Variants in NR4A2 observed in about 807,000 individuals in gnomAD.
NR4A2 encodes nuclear receptor subfamily 4 group A member 2.
A neutral mutation model predicts 50.5 loss-of-function variants in NR4A2; 1 was observed. The ratio of observed to expected loss-of-function variants is 0.02; its 90% CI spans 0.01 to 0.09. NR4A2 has a LOEUF of 0.09. Ranked by LOEUF, NR4A2 falls within the 10% of genes least tolerant of loss-of-function variation. The pLI, the probability that NR4A2 is intolerant of heterozygous loss-of-function variation, is 1.00. For synonymous variants in NR4A2, 328 were observed against 309.4 expected (o/e 1.06, Z -0.63); for missense variants, 613 against 777.3 (o/e 0.79, Z 2.51).
Position 156,325,981 on chromosome 2 carries a change from T to C in NR4A2, c.1560A>G (p.Glu520=). The change falls in exon 8 of 8, where the codon GAA becomes GAG. Residue 520 remains glutamate (E), a synonymous_variant. Coordinates refer to ENST00000339562, the MANE Select transcript of NR4A2 (RefSeq NM_006186.4). The part of the protein sequence containing the change: ...AMVTERHGLK[E]PKRVEELQNK... ...TTTGCAGTTCTTCCACTCTCTTGGG[T>C]TCCTTGAGCCCGTGTCTCTCTGCAG... The C allele has an allele frequency of 6.2e-7, 1 of 1,614,192 alleles. No individual in the cohort carries two copies.
Position 156,325,618 on chromosome 2 carries a change from G to T in NR4A2, c.*126C>A, listed in dbSNP as rs563595764. 5 of 1,195,484 alleles carry T rather than the reference G, an allele frequency of 4.2e-6. No homozygotes were observed. Among genetic ancestry groups the T allele is most frequent in the African/African-American group, 3.0e-5 (2 of 66,710 alleles). 74.1% of individuals were successfully genotyped at this position (1,195,484 alleles called of 1,614,324 possible). A position where few individuals can be genotyped will look rare whatever the true frequency, so the allele number is the denominator to read the frequency against. On this transcript the variant is annotated 3_prime_UTR_variant, in exon 8 of 8. Transcript: ENST00000339562. The stretch of plus-strand genomic sequence containing the variant: ...CTTTAGGGATCAAGGGGGCTAGGAG[G>T]GTTACAGAAATGGGGGGCAGCTTGA...
chr2:156,332,425 C>T, intron 1 of NR4A2, 55 bp downstream of exon 1: 1 of 1,264,236 alleles, frequency 7.9e-7, no homozygotes, highest in Non-Finnish European at 1.0e-6. Flanking sequence ...AAGAGACGTG[C>T]AAAAGAAGGA....
chr2:156,329,315 T>C lies in NR4A2; in HGVS notation c.864+8A>G. The C allele has an allele frequency of 2.5e-6, 4 of 1,610,180 alleles. No individual in the cohort carries two copies. The highest frequency in any genetic ancestry group is 3.4e-6 in the Non-Finnish European group (4 of 1,178,438). On this transcript the variant is annotated splice_region_variant and intron_variant, in intron 3 of 7. Transcript: ENST00000339562. This position sits in a 1 kb window ranked among gnomAD's most constrained non-coding sequence, Gnocchi z 7.5. Reference sequence around the variant, plus strand: ...CTACCTGCCTACTCCGCTCCCGCCATTGCTCACCTTAAAGAAGCCTTTGCA... The same window carrying C: ...CTACCTGCCTACTCCGCTCCCGCCACTGCTCACCTTAAAGAAGCCTTTGCA...
In NR4A2 at chr2:156,328,513, T is replaced by A. The variant is rs575964818; in HGVS notation, c.885A>T (p.Ala295=). ...GFFKRTVQKN[A]KYVCLANKNC... The stretch of plus-strand genomic sequence containing the variant: ...TTTTATTTGCTAAACACACGTATTT[T>A]GCATTTTTTTGCACTGTGCGCTGCA... The change falls in exon 4 of 8, where the codon GCA becomes GCT. Residue 295 remains alanine, a synonymous_variant. Transcript: ENST00000339562. The surrounding 1 kb of genome is among the most constrained non-coding windows in gnomAD (Gnocchi z 4.9). The A allele has an allele frequency of 6.2e-7, 1 of 1,614,232 alleles. No individual in the cohort carries two copies. Among genetic ancestry groups the A allele is most frequent in the South Asian group, 1.1e-5 (1 of 91,088 alleles).
At position 156,325,342 on chromosome 2, in the gene NR4A2, G is replaced by A; in HGVS notation, c.*402C>T. On this transcript the variant is annotated 3_prime_UTR_variant, in exon 8 of 8. Transcript: ENST00000339562. ...TGTGTCTCTGTGTGTGTGTGTGTGT[G>A]TGTATGTGTGTGTGTGTTACATTTG... is the stretch of plus-strand genomic sequence containing the variant. 1 of 304,150 alleles carries A rather than the reference G, an allele frequency of 3.3e-6. No homozygotes were observed. The highest frequency in any genetic ancestry group is 6.4e-6 in the Non-Finnish European group (1 of 155,446). 18.8% of individuals were successfully genotyped at this position (304,150 alleles called of 1,614,324 possible). A position where few individuals can be genotyped will look rare whatever the true frequency, so the allele number is the denominator to read the frequency against.
Position 156,325,393 on chromosome 2 carries a change from C to A in NR4A2, c.*351G>T, listed in dbSNP as rs928806656. 5 of 339,678 alleles carry A rather than the reference C, an allele frequency of 1.5e-5. No individual in the cohort carries two copies. Among genetic ancestry groups the A allele is most frequent in the Admixed American group, 4.3e-5 (1 of 23,452 alleles). 21.0% of individuals were successfully genotyped at this position (339,678 alleles called of 1,614,324 possible). A position where few individuals can be genotyped will look rare whatever the true frequency, so the allele number is the denominator to read the frequency against. On this transcript the variant is annotated 3_prime_UTR_variant, in exon 8 of 8. Coordinates refer to ENST00000339562, the MANE Select transcript of NR4A2 (RefSeq NM_006186.4). ...TCTGAACTGCAACAACCAAGCATGG[C>A]CAAACATTTCCCATTATACATTATA...
intron 5 of NR4A2, among the ~76,000 whole-genome samples, chr2:156,327,284 G>A (rs1686693208): frequency 6.6e-6 from 1 of 152,056 alleles, no homozygotes; most frequent in African/African-American, 2.4e-5. Flanking sequence ...TCCCTACCAG[G>A]TTTGCTCAAC....
At chr2:156,327,532 T>A (rs1415024195) in intron 5 of NR4A2, among the ~76,000 whole-genome samples, 1 of 152,012 alleles carries the variant, frequency 6.6e-6, no homozygotes, top group Non-Finnish European at 1.5e-5. Context: ...GCACAGCCCC[T>A]GGATTTCATG....
Position 156,326,834 on chromosome 2 carries a change from C to T in NR4A2, c.1245G>A (p.Glu415=), listed in dbSNP as rs1415147766. The change falls in exon 6 of 8, where the codon GAG becomes GAA. Residue 415 remains glutamate (E), a synonymous_variant. Coordinates refer to ENST00000339562, the MANE Select transcript of NR4A2 (RefSeq NM_006186.4). The surrounding 1 kb of genome is among the most constrained non-coding windows in gnomAD (Gnocchi z 4.2). ...QFYDLLTGSM[E]IIRGWAEKIP... The stretch of plus-strand genomic sequence containing the variant: ...TCTTCTCTGCCCAGCCCCGGATGAT[C>T]TCCATGGAGCCAGTCAGGAGATCAT... The T allele has an allele frequency of 6.2e-7, 1 of 1,614,218 alleles. No homozygotes were observed. The highest frequency in any genetic ancestry group is 1.1e-5 in the South Asian group (1 of 91,086).
In NR4A2 at chr2:156,328,083, C is replaced by A. The variant is rs1021259720; in HGVS notation, c.995-69G>T. On this transcript the variant is annotated intron_variant, in intron 4 of 7. Coordinates refer to ENST00000339562, the MANE Select transcript of NR4A2 (RefSeq NM_006186.4). The surrounding 1 kb of genome is among the most constrained non-coding windows in gnomAD (Gnocchi z 4.9). Reference sequence around the variant, plus strand: ...GCCCAGCTGCTGCCTCGGTCCCTCCCCGGGGAAGGCCGCAGCCGCGGGGCA... The same window carrying A: ...GCCCAGCTGCTGCCTCGGTCCCTCCACGGGGAAGGCCGCAGCCGCGGGGCA... The A allele has an allele frequency of 5.8e-6, 9 of 1,553,934 alleles. No homozygotes were observed. Among genetic ancestry groups the A allele is most frequent in the Non-Finnish European group, 7.0e-6 (8 of 1,147,070 alleles).
At chr2:156,331,687 A>G (rs1004665853) in intron 1 of NR4A2, 3 of 152,202 alleles carry the variant, frequency 2.0e-5, no homozygotes, top group African/African-American at 7.2e-5. Flanking sequence ...CAATCTTATT[A>G]CTAATGAAAA....
chr2:156,327,114 T>C (rs1359625647), intron 5 of NR4A2, among the ~76,000 whole-genome samples, 194 bp from the exon 6 acceptor site: 17 of 152,214 alleles, frequency 1.1e-4, no homozygotes, highest in African/African-American at 2.4e-5. Context: ...GCTTTAAATA[T>C]GTAAATTGCC....
chr2:156,328,175 C>A lies in NR4A2; in HGVS notation c.995-161G>T, dbSNP rs180743779. Among the ~76,000 whole-genome samples the A allele has an allele frequency of 1.9e-4, 29 of 152,288 alleles. No individual in the cohort carries two copies. The highest frequency in any genetic ancestry group is 1.9e-3 in the Admixed American group (29 of 15,302). ...CACTGACTAGAAGCATTAAAAAATG[C>A]GGGGTTATTTTATGTCTTCCTCCAA... On this transcript the variant is annotated intron_variant, in intron 4 of 7. Transcript: ENST00000339562. The surrounding 1 kb of genome is among the most constrained non-coding windows in gnomAD (Gnocchi z 4.9).
rs758429214 is a variant in NR4A2, at chr2:156,326,888, T to G, written c.1191A>C (p.Gly397=). 3 of 1,614,210 alleles carry G rather than the reference T, an allele frequency of 1.9e-6. No homozygotes were observed. Among genetic ancestry groups the G allele is most frequent in the Non-Finnish European group, 2.5e-6 (3 of 1,180,026 alleles). ...FQANPDYQMS[G]DDTQHIQQFY... Reference sequence around the variant, plus strand: ...ATTGCTGGATATGCTGGGTGTCATCTCCACTCATTTGATAGTCAGGGTTCG... The same window carrying G: ...ATTGCTGGATATGCTGGGTGTCATCGCCACTCATTTGATAGTCAGGGTTCG... Residue 397 remains glycine, a synonymous_variant, in exon 6 of 8, where the codon GGA becomes GGC. Transcript: ENST00000339562. The surrounding 1 kb of genome is among the most constrained non-coding windows in gnomAD (Gnocchi z 4.2).
Position 156,329,422 on chromosome 2 carries a change from G to A in NR4A2, c.765C>T (p.Gly255=). The A allele has an allele frequency of 1.2e-6, 2 of 1,609,596 alleles. No homozygotes were observed. The highest frequency in any genetic ancestry group is 2.2e-5 in the South Asian group (2 of 90,914). The change falls in exon 3 of 8, where the codon GGC becomes GGT. Residue 255 remains glycine, a synonymous_variant. Transcript: ENST00000339562. This position sits in a 1 kb window ranked among gnomAD's most constrained non-coding sequence, Gnocchi z 7.5. ...DTQVPSPPSR[G]SPSNEGLCAV... The stretch of plus-strand genomic sequence containing the variant: ...CGCACAGCCCCTCGTTGGAGGGGGA[G>A]CCCCGCGACGGCGGTGAGGGCACCT...
At position 156,325,971 on chromosome 2, in the gene NR4A2, C is replaced by G. The variant is rs191329509; in HGVS notation, c.1570G>C (p.Val524Leu). The change falls in exon 8 of 8, where the codon GTG (valine) becomes CTG (leucine). Residue 524 changes from valine (V) to leucine (L), a missense_variant. Physicochemically the swap from Val to Leu is conservative, Grantham distance 32. Transcript: ENST00000339562. ...ERHGLKEPKR[V>L]EELQNKIVNC... is the part of the protein sequence containing the mutation. ...ACAATCTTGTTTTGCAGTTCTTCCA[C>G]TCTCTTGGGTTCCTTGAGCCCGTGT... The G allele has an allele frequency of 6.2e-7, 1 of 1,614,222 alleles. No homozygotes were observed. The highest frequency in any genetic ancestry group is 1.3e-5 in the African/African-American group (1 of 75,060).
In NR4A2 at chr2:156,326,919, A is replaced by T. The variant is rs762320747; in HGVS notation, c.1160T>A (p.Phe387Tyr). 3 of 1,614,126 alleles carry T rather than the reference A, an allele frequency of 1.9e-6. No individual in the cohort carries two copies. The highest frequency in any genetic ancestry group is 2.5e-6 in the Non-Finnish European group (3 of 1,179,990). The change falls in exon 6 of 8, where the codon TTC becomes TAC. Residue 387 changes from phenylalanine (F) to tyrosine (Y), a missense_variant and splice_region_variant. Phe to Tyr is a conservative substitution (Grantham distance 22). This residue lies in a region of NR4A2 where 250 missense variants were observed against 311.3 expected (regional missense o/e 0.80). Transcript: ENST00000339562. This position sits in a 1 kb window ranked among gnomAD's most constrained non-coding sequence, Gnocchi z 4.2. ...PAMTSLDYSR[F>Y]QANPDYQMSG... ...CATTTGATAGTCAGGGTTCGCCTGG[A>T]ACTGGAATTTCATTTTAAAAAGCAC...
rs16840249 is a variant in NR4A2 at position 156,328,030 on chromosome 2, C to A, written c.995-16G>T. The A allele has an allele frequency of 5.9e-4, 945 of 1,599,944 alleles. 8 individuals are homozygous for A. The East Asian group carries it at 0.011, about 19-fold the overall frequency. On this transcript the variant is annotated splice_polypyrimidine_tract_variant and intron_variant, in intron 4 of 7. Coordinates refer to ENST00000339562, the MANE Select transcript of NR4A2 (RefSeq NM_006186.4). This position sits in a 1 kb window ranked among gnomAD's most constrained non-coding sequence, Gnocchi z 4.9. ...GTGCGAACCACTGCAAAGGAAGAGC[C>A]CTGTTAGCGCCGCTTTTCCGAGCCC...
rs1686580360 is a variant in NR4A2 at position 156,325,109 on chromosome 2, C to G, written c.*635G>C. 6.5e-6 allele frequency: 1 copy of G among 152,774 alleles called. No individual in the cohort carries two copies. The highest frequency in any genetic ancestry group is 2.4e-5 in the African/African-American group (1 of 41,368). The allele number at this position is 152,774 out of a possible 1,614,324, so 9.5% of individuals were successfully genotyped here. On this transcript the variant is annotated 3_prime_UTR_variant, in exon 8 of 8. Transcript: ENST00000339562. ...TATTTTCTTTTTTTTTGCAAACACA[C>G]TTATCTTTTAGAATTTGTAATATTT...
Sources: gnomAD v4.1 joint callset for allele counts (sites outside exome capture counted in the v4.1 genomes callset) on GRCh38, gnomAD v4.1.1 for gene constraint, gnomAD v4.1.1 regional missense constraint, Gnocchi (gnomAD v3.1) non-coding constraint, MANE v1.5 for transcripts, NCBI Gene and HGNC (gene_info 2026-07-23, HGNC 2026-07-21) for gene names.